HTR1F: variants seen among roughly 807,000 people sequenced by gnomAD.
HTR1F encodes 5-hydroxytryptamine receptor 1F.
A neutral mutation model predicts 24.0 loss-of-function variants in HTR1F; 17 were observed. The ratio of observed to expected loss-of-function variants is 0.71; its 90% CI spans 0.48 to 1.06. The LOEUF (loss-of-function observed/expected upper bound fraction) is 1.06. Ranked by LOEUF, HTR1F falls within the 50% of genes least tolerant of loss-of-function variation. HTR1F has a pLI of 0.00. For missense variants in HTR1F, 391 were observed against 427.8 expected (o/e 0.91, Z 0.76); for synonymous variants, 186 against 156.8 (o/e 1.19, Z -1.39).
intron 2 of HTR1F, among the ~76,000 whole-genome samples, chr3:87,901,145 A>G (rs1176522467): frequency 2.6e-5 from 4 of 152,148 alleles, no homozygotes; most frequent in African/African-American, 9.7e-5. Flanking sequence ...GCTCAATTAA[A>G]CATCTCAAAA....
At chr3:87,841,912 A>AG (rs1704814793) in intron 2 of HTR1F, among the ~76,000 whole-genome samples, 4 of 116,570 alleles carry the variant, frequency 3.4e-5, no homozygotes, top group African/African-American at 2.2e-4. Flanking sequence ...AAAAAAAAAA[A>AG]AAAAGAAAAA....
At chr3:87,874,702 A>C (rs910803264) in intron 2 of HTR1F, among the ~76,000 whole-genome samples, 1 of 152,182 alleles carries the variant, frequency 6.6e-6, no homozygotes, top group Non-Finnish European at 1.5e-5. Context: ...AAACTTAAGA[A>C]AGAAAAACAA....
chr3:87,842,966 G>C (rs866113499), intron 2 of HTR1F, among the ~76,000 whole-genome samples: 4 of 151,802 alleles, frequency 2.6e-5, no homozygotes, highest in African/African-American at 9.7e-5. Context: ...GATAGGTCTC[G>C]GTAAAGGACA....
intron 2 of HTR1F, among the ~76,000 whole-genome samples, chr3:87,967,588 G>GC (rs1354354258): frequency 1.0e-3 from 3 of 2,954 alleles, no homozygotes; most frequent in African/African-American, 1.0e-3. Context: ...TTGAATCATG[G>GC]GGGGGGGTGG....
intron 2 of HTR1F, among the ~76,000 whole-genome samples, chr3:87,964,202 C>A (rs543480968): frequency 6.6e-6 from 1 of 152,206 alleles, no homozygotes; most frequent in East Asian, 1.9e-4. Context: ...ATATAATTGT[C>A]CTTGAATATT....
At position 87,953,726 on chromosome 3, in the gene HTR1F, C is replaced by T. The variant is rs572313502; in HGVS notation, c.-42-36982C>T. 1.4e-3 allele frequency among the ~76,000 whole-genome samples: 211 copies of T among 151,770 alleles called. 1 individual carries two copies. Among genetic ancestry groups the T allele is most frequent in the African/African-American group, 4.8e-3 (197 of 41,458 alleles). ...AGAAAATCAGTATATCAAAAGGATA[C>T]CTGCACCCCCATGATTAATGCAACG... On this transcript the variant is annotated intron_variant, in intron 2 of 2. Coordinates refer to ENST00000319595, the MANE Select transcript of HTR1F (RefSeq NM_001322209.2).
chr3:87,797,384 G>T (rs1703923046), intron 1 of HTR1F, among the ~76,000 whole-genome samples: 1 of 152,158 alleles, frequency 6.6e-6, no homozygotes, highest in Non-Finnish European at 1.5e-5. Context: ...AAAATTAAAA[G>T]ATCTGCAAAG....
intron 2 of HTR1F, among the ~76,000 whole-genome samples, chr3:87,865,934 C>G (rs1380000371): frequency 6.6e-6 from 1 of 152,000 alleles, no homozygotes; most frequent in Admixed American, 6.6e-5. Context: ...AACAGCTTAC[C>G]AAAAAGTTGA....
At chr3:87,962,257 A>G (rs1231976484) in intron 2 of HTR1F, among the ~76,000 whole-genome samples, 1 of 152,122 alleles carries the variant, frequency 6.6e-6, no homozygotes, top group Non-Finnish European at 1.5e-5. Flanking sequence ...AAGGGGGAAA[A>G]TGGAAAACTA....
At position 87,903,947 on chromosome 3, in the gene HTR1F, G is replaced by A. The variant is rs1168467928; in HGVS notation, c.-43+81823G>A. ...GATTATTTAAGAATGTTAAAGTAAA[G>A]CCATAGTTACAAGATGGTTGCAATA... On this transcript the variant is annotated intron_variant, in intron 2 of 2. Transcript: ENST00000319595. Among the ~76,000 whole-genome samples the A allele has an allele frequency of 2.0e-5, 3 of 152,204 alleles. No individual in the cohort carries two copies. The East Asian group carries it at 5.8e-4, about 29-fold the overall frequency.
intron 2 of HTR1F, among the ~76,000 whole-genome samples, chr3:87,903,099 C>T: frequency 6.6e-6 from 1 of 151,982 alleles, no homozygotes; most frequent in Non-Finnish European, 1.5e-5. Context: ...TGGATCCCTT[C>T]CTTACACCTT....
chr3:87,914,531 C>T (rs1245971386), intron 2 of HTR1F, among the ~76,000 whole-genome samples: 2 of 152,060 alleles, frequency 1.3e-5, no homozygotes, highest in Admixed American at 1.3e-4. Context: ...ACCAGCCTTT[C>T]TGATTGTTTA....
intron 2 of HTR1F, among the ~76,000 whole-genome samples, chr3:87,846,183 A>G (rs1344199822): frequency 6.6e-6 from 1 of 152,060 alleles, no homozygotes. Flanking sequence ...CTGTAATCCC[A>G]GCACTTTGGG....
intron 2 of HTR1F, among the ~76,000 whole-genome samples, chr3:87,935,465 C>A (rs1704389911): frequency 6.6e-6 from 1 of 151,452 alleles, no homozygotes; most frequent in African/African-American, 2.4e-5. Flanking sequence ...CTGCAAGTGT[C>A]TTATCCTCAT....
At chr3:87,952,206 T>C (rs1459384542) in intron 2 of HTR1F, among the ~76,000 whole-genome samples, 1 of 152,094 alleles carries the variant, frequency 6.6e-6, no homozygotes, top group Admixed American at 6.5e-5. Flanking sequence ...ATGAAACATG[T>C]TTATATTTTA....
rs74551522 is a variant in HTR1F, at chr3:87,973,200, C to A, written c.-42-17508C>A. Among the ~76,000 whole-genome samples the A allele has an allele frequency of 5.5e-3, 840 of 152,060 alleles. 4 individuals are homozygous for A. Among genetic ancestry groups the A allele is most frequent in the African/African-American group, 0.019 (803 of 41,494 alleles). On this transcript the variant is annotated intron_variant, in intron 2 of 2. Transcript: ENST00000319595. The stretch of plus-strand genomic sequence containing the variant: ...AAAAATAAGTAATAATAATCCCTAT[C>A]ATGGACTCTAATTTTTACCTATTCT...
chr3:87,988,614 C>T (rs572373801), intron 2 of HTR1F, among the ~76,000 whole-genome samples: 3 of 152,214 alleles, frequency 2.0e-5, no homozygotes, highest in South Asian at 2.1e-4. Flanking sequence ...GATGGTGTAT[C>T]GCTCTGTTGC....
At chr3:87,905,047 C>G (rs1484694572) in intron 2 of HTR1F, among the ~76,000 whole-genome samples, 1 of 152,018 alleles carries the variant, frequency 6.6e-6, no homozygotes, top group Non-Finnish European at 1.5e-5. Flanking sequence ...GTGGCTCACA[C>G]CTATTACCCC....
chr3:87,901,962 C>G (rs955861437), intron 2 of HTR1F, among the ~76,000 whole-genome samples: 2 of 151,956 alleles, frequency 1.3e-5, no homozygotes, highest in African/African-American at 4.8e-5. Context: ...CAGTAATAAA[C>G]CATAGTTAGA....
Sources: allele counts gnomAD v4.1 joint callset (sites outside exome capture counted in the v4.1 genomes callset), GRCh38; gene constraint gnomAD v4.1.1; transcripts MANE v1.5; gene names NCBI Gene and HGNC (gene_info 2026-07-23, HGNC 2026-07-21).